Variants in DIP2B observed in about 807,000 individuals in gnomAD.
DIP2B encodes the protein DIP2 acetate--CoA ligase B (putative), also known as disco-interacting protein 2 homolog B.
Under a neutral mutation model 198.0 loss-of-function variants are expected in DIP2B, and 76 were observed. The observed-to-expected ratio is 0.38, with a 90% confidence interval of 0.32 to 0.46. DIP2B has a LOEUF of 0.46. Ranked by LOEUF, DIP2B falls within the 20% of genes least tolerant of loss-of-function variation. The pLI is 0.99. For missense variants in DIP2B, 1,559 were observed against 1,978.4 expected (o/e 0.79, Z 4.02); for synonymous variants, 701 against 739.1 (o/e 0.95, Z 0.84).
At chr12:50,700,383 C>T (rs986286290) in intron 19 of DIP2B, among the ~76,000 whole-genome samples, 1 of 152,166 alleles carries the variant, frequency 6.6e-6, no homozygotes, top group Non-Finnish European at 1.5e-5. Context: ...CAGCCACATC[C>T]CTCTTCACAC....
intron 10 of DIP2B, 152 bp downstream of exon 10, chr12:50,683,400 T>C: frequency 1.6e-6 from 1 of 612,646 alleles, no homozygotes. Flanking sequence ...TGTAGAAAAA[T>C]TATTTATTAA....
chr12:50,688,329 AGGT>A (rs1391980351), intron 12 of DIP2B, among the ~76,000 whole-genome samples: 3 of 152,194 alleles, frequency 2.0e-5, no homozygotes, highest in Non-Finnish European at 4.4e-5. Context: ...TTGTTTTTAA[AGGT>A]GAAACAGATC....
At chr12:50,558,758 G>A (rs571907789) in intron 1 of DIP2B, among the ~76,000 whole-genome samples, 25 of 152,272 alleles carry the variant, frequency 1.6e-4, no homozygotes, top group African/African-American at 5.8e-4. Context: ...GTAGATGAAC[G>A]ATTACTGACT....
At chr12:50,649,463 G>A (rs925679708) in intron 3 of DIP2B, among the ~76,000 whole-genome samples, 1 of 152,174 alleles carries the variant, frequency 6.6e-6, no homozygotes, top group Non-Finnish European at 1.5e-5. Context: ...ATACAATAAA[G>A]ATTACATTAC....
At chr12:50,527,201 T>G (rs1257581048) in intron 1 of DIP2B, among the ~76,000 whole-genome samples, 2 of 152,246 alleles carry the variant, frequency 1.3e-5, no homozygotes, top group Non-Finnish European at 2.9e-5. Flanking sequence ...ATTGGTTTTG[T>G]TGAACCAAGT....
intron 14 of DIP2B, among the ~76,000 whole-genome samples, chr12:50,694,218 G>A (rs1309633997): frequency 1.3e-5 from 2 of 152,066 alleles, no homozygotes; most frequent in African/African-American, 4.8e-5. Flanking sequence ...TACCACAGCC[G>A]GGCACTGTGA....
intron 15 of DIP2B, 125 bp from the exon 16 acceptor site, chr12:50,695,723 C>T: frequency 7.4e-7 from 1 of 1,352,604 alleles, no homozygotes; most frequent in Non-Finnish European, 1.0e-6. Context: ...CTCTTTGAAA[C>T]CGTTTTTATC....
At chr12:50,649,827 G>A (rs1938421950) in intron 3 of DIP2B, among the ~76,000 whole-genome samples, 1 of 152,124 alleles carries the variant, frequency 6.6e-6, no homozygotes, top group Non-Finnish European at 1.5e-5. Flanking sequence ...CTGCAATCCG[G>A]CCTGGGTGAA....
intron 1 of DIP2B, among the ~76,000 whole-genome samples, chr12:50,586,159 C>T (rs1958768635): frequency 6.6e-6 from 1 of 152,204 alleles, no homozygotes; most frequent in African/African-American, 2.4e-5. Context: ...CTGCCAGCCT[C>T]ACTGTGGACA....
chr12:50,605,147 A>T (rs115213373), intron 1 of DIP2B, among the ~76,000 whole-genome samples: 2,025 of 152,296 alleles, frequency 0.013, 49 homozygotes, highest in African/African-American at 0.046. Flanking sequence ...AGTAAGGTTT[A>T]AAAAACCCCC....
At chr12:50,524,221 A>G (rs886134790) in intron 1 of DIP2B, among the ~76,000 whole-genome samples, 1 of 152,126 alleles carries the variant, frequency 6.6e-6, no homozygotes, top group African/African-American at 2.4e-5. Flanking sequence ...TGCCCATGTC[A>G]TCACATCTCT....
chr12:50,551,855 A>T (rs913473719), intron 1 of DIP2B, among the ~76,000 whole-genome samples: 1 of 152,220 alleles, frequency 6.6e-6, no homozygotes, highest in African/African-American at 2.4e-5. Flanking sequence ...TGATGATTGG[A>T]ATAGTACTAC....
chr12:50,632,613 T>G (rs1189144544), intron 2 of DIP2B, among the ~76,000 whole-genome samples: 5 of 150,504 alleles, frequency 3.3e-5, no homozygotes, highest in Non-Finnish European at 7.4e-5. Flanking sequence ...CTCGGCTCAC[T>G]GCAACCTCCA....
intron 1 of DIP2B, among the ~76,000 whole-genome samples, chr12:50,532,686 G>A (rs1958229006): frequency 6.6e-6 from 1 of 152,168 alleles, no homozygotes; most frequent in Admixed American, 6.6e-5. Flanking sequence ...GAGAAGATGA[G>A]TAAGAGTAGG....
intron 2 of DIP2B, among the ~76,000 whole-genome samples, chr12:50,630,095 A>G (rs1294856013): frequency 1.3e-5 from 2 of 151,784 alleles, no homozygotes; most frequent in African/African-American, 4.8e-5. Flanking sequence ...GACTACAGGC[A>G]TGTGCCACCA....
intron 1 of DIP2B, among the ~76,000 whole-genome samples, chr12:50,524,256 G>C (rs1016032508): frequency 6.6e-6 from 1 of 152,114 alleles, no homozygotes; most frequent in African/African-American, 2.4e-5. Context: ...CTTACCTGGT[G>C]GTGTCCCAGC....
At chr12:50,653,346 CTT>C (rs34185073) in intron 3 of DIP2B, among the ~76,000 whole-genome samples, 1,182 of 76,676 alleles carry the variant, frequency 0.015, 11 homozygotes, top group African/African-American at 0.059. Context: ...TTTTTCTTTT[CTT>C]TTTTTTTTTT....
intron 19 of DIP2B, among the ~76,000 whole-genome samples, chr12:50,701,601 C>A (rs1939418806): frequency 6.6e-6 from 1 of 152,004 alleles, no homozygotes; most frequent in Admixed American, 6.6e-5. Flanking sequence ...CCAGGCTGGT[C>A]TTGAACTCCT....
intron 2 of DIP2B, among the ~76,000 whole-genome samples, chr12:50,636,885 T>C (rs1938169879): frequency 6.6e-6 from 1 of 152,068 alleles, no homozygotes; most frequent in South Asian, 2.1e-4. Flanking sequence ...CCCAACCCGC[T>C]CTCCTTACAG....
Sources: gnomAD v4.1 joint callset for allele counts (sites outside exome capture counted in the v4.1 genomes callset) on GRCh38, gnomAD v4.1.1 for gene constraint, MANE v1.5 for transcripts, NCBI Gene and HGNC (gene_info 2026-07-23, HGNC 2026-07-21) for gene names.